MAGI1: variants seen among roughly 807,000 people sequenced by gnomAD.
MAGI1 encodes the protein membrane-associated guanylate kinase, WW and PDZ domain-containing protein 1.
In MAGI1, 58 loss-of-function variants were observed where a neutral mutation model predicts 139.9. The ratio of observed to expected loss-of-function variants is 0.41; its 90% CI spans 0.34 to 0.52. The LOEUF (loss-of-function observed/expected upper bound fraction) is 0.52. Ranked by LOEUF, MAGI1 falls within the 20% of genes least tolerant of loss-of-function variation. The pLI is 0.12. For synonymous variants in MAGI1, 812 were observed against 737.9 expected (o/e 1.10, Z -1.63); for missense variants, 1,874 against 1,901.6 (o/e 0.99, Z 0.27).
At chr3:65,683,527 T>C (rs1008131849) in intron 1 of MAGI1, among the ~76,000 whole-genome samples, 1 of 151,082 alleles carries the variant, frequency 6.6e-6, no homozygotes, top group African/African-American at 2.4e-5. Context: ...AGAAAATACA[T>C]GCAAATCACA....
chr3:65,645,475 A>C (rs1002241544), intron 1 of MAGI1, among the ~76,000 whole-genome samples: 1 of 152,190 alleles, frequency 6.6e-6, no homozygotes, highest in Non-Finnish European at 1.5e-5. Flanking sequence ...GGTGAAATCA[A>C]GAGATTCTCA....
rs535450471 is a variant in MAGI1 at position 65,579,991 on chromosome 3, A to C, written c.430+41981T>G. 3.3e-5 allele frequency among the ~76,000 whole-genome samples: 5 copies of C among 152,252 alleles called. No individual in the cohort carries two copies. In the East Asian group the frequency reaches 5.8e-4, roughly 18 times the overall value. On this transcript the variant is annotated intron_variant, in intron 2 of 22. Transcript: ENST00000402939. ...TATAACAATTTCACATGATCTTATG[A>C]AACTATTAGCTCTCTGAGGGCAAAG...
At chr3:65,995,142 C>G (rs1176493486) in intron 1 of MAGI1, among the ~76,000 whole-genome samples, 1 of 152,206 alleles carries the variant, frequency 6.6e-6, no homozygotes, top group Non-Finnish European at 1.5e-5. Context: ...CTCTAGAAAA[C>G]TCGGAAGGAA....
At position 65,356,889 on chromosome 3, in the gene MAGI1, G is replaced by A. The variant is rs780292530; in HGVS notation, c.3878C>T (p.Ala1293Val). 1.7e-5 allele frequency: 28 copies of A among 1,614,152 alleles called. No homozygotes were observed. The highest frequency in any genetic ancestry group is 2.0e-5 in the Non-Finnish European group (24 of 1,179,992). The change falls in exon 23 of 23, where the codon GCA (alanine) becomes GTA (valine). Residue 1293 changes from alanine (A) to valine (V), a missense_variant. Ala to Val is a moderately conservative substitution (Grantham distance 64). This residue lies in a region of MAGI1 where 653 missense variants were observed against 644.5 expected (regional missense o/e 1.01). Transcript: ENST00000402939. ...CGGCGCCCGGTCCTTGGGTCGGCATGCCCCGCTGTCGGGTTTCCTCGAAGT... is the reference window on the plus strand; with the variant it reads ...CGGCGCCCGGTCCTTGGGTCGGCATACCCCGCTGTCGGGTTTCCTCGAAGT... ...NGTSRKPDSG[A>V]CRPKDRAPEG...
At chr3:65,504,235 T>C (rs1457537926) in intron 2 of MAGI1, among the ~76,000 whole-genome samples, 2 of 152,184 alleles carry the variant, frequency 1.3e-5, no homozygotes, top group South Asian at 2.1e-4. Context: ...TCTGACTATA[T>C]CACAGAATGA....
chr3:65,685,645 TCAA>T (rs1446048803), intron 1 of MAGI1, among the ~76,000 whole-genome samples: 3 of 152,216 alleles, frequency 2.0e-5, no homozygotes, highest in African/African-American at 7.2e-5. Flanking sequence ...TTTGATTCAA[TCAA>T]TAAAACTCAC....
At chr3:65,680,266 C>T (rs1274177511) in intron 1 of MAGI1, among the ~76,000 whole-genome samples, 4 of 152,156 alleles carry the variant, frequency 2.6e-5, no homozygotes, top group Non-Finnish European at 2.9e-5. Flanking sequence ...AGCAGGTCTT[C>T]GACAAGCTAT....
At chr3:65,581,653 A>G (rs2081429920) in intron 2 of MAGI1, among the ~76,000 whole-genome samples, 1 of 151,990 alleles carries the variant, frequency 6.6e-6, no homozygotes, top group Non-Finnish European at 1.5e-5. Flanking sequence ...TCTCCACTCT[A>G]TCTCTTGCAC....
At chr3:65,742,075 T>C (rs959267131) in intron 1 of MAGI1, among the ~76,000 whole-genome samples, 2 of 152,198 alleles carry the variant, frequency 1.3e-5, no homozygotes, top group East Asian at 1.9e-4. Context: ...CATGGGGATA[T>C]GATATTTAAA....
chr3:65,711,641 C>T (rs2031436614), intron 1 of MAGI1, among the ~76,000 whole-genome samples: 1 of 152,072 alleles, frequency 6.6e-6, no homozygotes, highest in African/African-American at 2.4e-5. Context: ...TATGGGTGCG[C>T]CTAATCCAAT....
At chr3:65,930,073 T>C (rs944393958) in intron 1 of MAGI1, among the ~76,000 whole-genome samples, 2 of 151,988 alleles carry the variant, frequency 1.3e-5, no homozygotes, top group Admixed American at 6.6e-5. Flanking sequence ...TCCCAGCACT[T>C]TGGGAGGCCG....
intron 1 of MAGI1, among the ~76,000 whole-genome samples, chr3:65,931,060 C>A (rs1331418189): frequency 6.7e-6 from 1 of 150,052 alleles, no homozygotes; most frequent in Non-Finnish European, 1.5e-5. Flanking sequence ...TGAGATAGAG[C>A]CTCACTCTGT....
Position 65,357,135 on chromosome 3 carries a change from G to C in MAGI1, c.3635-3C>G. 6.2e-7 allele frequency: 1 copy of C among 1,602,004 alleles called. No homozygotes were observed. On this transcript the variant is annotated splice_region_variant and splice_polypyrimidine_tract_variant and intron_variant, in intron 22 of 22. Coordinates refer to ENST00000402939, the MANE Select transcript of MAGI1 (RefSeq NM_001033057.2). ...GCCGTGGCGGTCGCTGCTGGGGTCT[G>C]CCAGGAAAATAAACGAGAGCAACAG...
rs1175790063 is a variant in MAGI1, at chr3:65,710,269, C to CTT, written c.314-88183_314-88182dup. On this transcript the variant is annotated intron_variant, in intron 1 of 22. Coordinates refer to ENST00000402939, the MANE Select transcript of MAGI1 (RefSeq NM_001033057.2). Reference sequence around the variant, plus strand: ...TGAATCACTTATTAACCTTACATTTCTTTTTTTTTTTTTTTTTTTTTTTTT... The same window carrying CTT: ...TGAATCACTTATTAACCTTACATTTCTTTTTTTTTTTTTTTTTTTTTTTTTTT... Among the ~76,000 whole-genome samples, 166 of 66,912 alleles carry CTT rather than the reference C, an allele frequency of 2.5e-3. 15 individuals carry two copies. The highest frequency in any genetic ancestry group is 4.8e-3 in the Admixed American group (26 of 5,434). 43.9% of individuals were successfully genotyped at this position (66,912 alleles called of 152,430 possible).
intron 1 of MAGI1, among the ~76,000 whole-genome samples, chr3:65,950,701 A>C (rs1238552987): frequency 1.3e-5 from 2 of 152,152 alleles, no homozygotes; most frequent in Admixed American, 1.3e-4. Context: ...GGAAATTACA[A>C]AATGCTACCC....
intron 1 of MAGI1, among the ~76,000 whole-genome samples, chr3:66,006,333 A>T (rs2067009931): frequency 6.6e-6 from 1 of 152,202 alleles, no homozygotes; most frequent in African/African-American, 2.4e-5. Flanking sequence ...CACCTTCTAA[A>T]GACAGAAAGT....
chr3:65,531,244 G>C (rs1024499054), intron 2 of MAGI1, among the ~76,000 whole-genome samples: 23 of 152,010 alleles, frequency 1.5e-4, no homozygotes, highest in African/African-American at 5.3e-4. Context: ...ATCTCAAATT[G>C]TATCTCAAAT....
At chr3:65,747,498 G>A (rs950221991) in intron 1 of MAGI1, among the ~76,000 whole-genome samples, 5 of 142,726 alleles carry the variant, frequency 3.5e-5, no homozygotes, top group Non-Finnish European at 6.2e-5. Context: ...TACATAATAG[G>A]GATATTATTG....
chr3:65,622,203 T>G (rs1576508812), intron 1 of MAGI1, 115 bp from the exon 2 acceptor site: 1 of 761,046 alleles, frequency 1.3e-6, no homozygotes, highest in East Asian at 2.4e-5. Context: ...CTGCCACCCC[T>G]AGTCATTAGG....
Sources: gnomAD v4.1 joint callset for allele counts (sites outside exome capture counted in the v4.1 genomes callset) on GRCh38, gnomAD v4.1.1 for gene constraint, gnomAD v4.1.1 regional missense constraint, MANE v1.5 for transcripts, NCBI Gene and HGNC (gene_info 2026-07-23, HGNC 2026-07-21) for gene names.